The following MAP4K3 variants were observed in gnomAD, a reference collection of about 807,000 sequenced individuals.
MAP4K3 encodes mitogen-activated protein kinase kinase kinase kinase 3.
In MAP4K3, 94 loss-of-function variants were observed where a neutral mutation model predicts 143.5. The observed-to-expected ratio is 0.65, with a 90% CI of 0.55 to 0.78. The LOEUF (loss-of-function observed/expected upper bound fraction) is 0.78. Ranked by LOEUF, MAP4K3 falls within the 30% of genes least tolerant of loss-of-function variation. The pLI is 0.00. For synonymous variants in MAP4K3, 416 were observed against 347.2 expected, an observed-to-expected ratio of 1.20 and a Z score of -2.20; for missense variants, 1,077 against 1,068.1, an observed-to-expected ratio of 1.01 and a Z score of -0.12.
At chr2:39,308,445 C>T (rs1334015360) in intron 14 of MAP4K3, among the ~76,000 whole-genome samples, 6 of 152,098 alleles carry the variant, frequency 3.9e-5, no homozygotes, top group Admixed American at 3.3e-4. Context: ...AAGGTAAAGG[C>T]TAATGACACC....
chr2:39,294,069 C>T (rs1224899700), intron 16 of MAP4K3: 1 of 152,118 alleles, frequency 6.6e-6, no homozygotes, highest in Non-Finnish European at 1.5e-5. Flanking sequence ...CATAAAGACT[C>T]GATAGACTTC....
At chr2:39,286,080 A>G (rs1436398789) in intron 21 of MAP4K3, among the ~76,000 whole-genome samples, 4 of 152,196 alleles carry the variant, frequency 2.6e-5, no homozygotes, top group African/African-American at 9.7e-5. Flanking sequence ...TGGTTCCCCA[A>G]CCTTTTCGGC....
At chr2:39,264,895 C>T (rs1054789433) in intron 28 of MAP4K3, among the ~76,000 whole-genome samples, 8 of 152,172 alleles carry the variant, frequency 5.3e-5, no homozygotes, top group Non-Finnish European at 2.9e-5. Context: ...TGGAGGTCAA[C>T]CAGAGAGTGT....
chr2:39,341,984 G>C (rs889525589), intron 4 of MAP4K3, among the ~76,000 whole-genome samples: 40 of 151,762 alleles, frequency 2.6e-4, no homozygotes, highest in Non-Finnish European at 4.9e-4. Flanking sequence ...TCTTTCACCT[G>C]GTCTTCAAGG....
intron 32 of MAP4K3, among the ~76,000 whole-genome samples, chr2:39,253,816 T>C (rs192083753): frequency 1.2e-4 from 18 of 152,358 alleles, no homozygotes; most frequent in Admixed American, 7.2e-4. Flanking sequence ...AAGTGCCACA[T>C]CTTGTTCATG....
intron 1 of MAP4K3, among the ~76,000 whole-genome samples, chr2:39,384,224 T>C (rs1666428921): frequency 6.6e-6 from 1 of 152,132 alleles, no homozygotes; most frequent in Non-Finnish European, 1.5e-5. Context: ...TTGCTGATCC[T>C]TGCTTTAAAA....
At chr2:39,403,259 A>G (rs909458190) in intron 1 of MAP4K3, among the ~76,000 whole-genome samples, 1 of 152,184 alleles carries the variant, frequency 6.6e-6, no homozygotes, top group African/African-American at 2.4e-5. Flanking sequence ...CTACACACAA[A>G]AAAGCACCTT....
intron 15 of MAP4K3, among the ~76,000 whole-genome samples, chr2:39,305,853 T>C (rs1467353511): frequency 1.3e-5 from 2 of 151,692 alleles, no homozygotes; most frequent in African/African-American, 2.4e-5. Context: ...TTTTTAAAGA[T>C]GGAGTCTCGC....
intron 24 of MAP4K3, among the ~76,000 whole-genome samples, chr2:39,275,514 A>T (rs1227531416): frequency 6.6e-6 from 1 of 152,190 alleles, no homozygotes; most frequent in Non-Finnish European, 1.5e-5. Context: ...GAGTTCTTCA[A>T]ATTAGGTTGA....
chr2:39,397,509 TAGAG>T (rs957264976), intron 1 of MAP4K3, among the ~76,000 whole-genome samples: 17 of 152,178 alleles, frequency 1.1e-4, no homozygotes, highest in African/African-American at 4.1e-4. Context: ...ATCATATTCT[TAGAG>T]AGGCTAAACA....
intron 8 of MAP4K3, among the ~76,000 whole-genome samples, chr2:39,326,734 C>T (rs914896043): frequency 6.6e-6 from 1 of 152,088 alleles, no homozygotes; most frequent in Non-Finnish European, 1.5e-5. Context: ...GGAGGGGCCT[C>T]GTAGGAGGTG....
At chr2:39,251,047 C>T (rs1680138293) in intron 33 of MAP4K3, among the ~76,000 whole-genome samples, 1 of 152,150 alleles carries the variant, frequency 6.6e-6, no homozygotes, top group South Asian at 2.1e-4. Context: ...GGGTCTGACC[C>T]AGAGACCCAC....
chr2:39,343,740 C>T (rs953709160), intron 3 of MAP4K3, among the ~76,000 whole-genome samples: 2 of 152,088 alleles, frequency 1.3e-5, no homozygotes, highest in African/African-American at 4.8e-5. Context: ...AACTTCTCCT[C>T]CCCAAAAGTT....
chr2:39,268,939 GAAGA>G (rs1680895190), intron 26 of MAP4K3, among the ~76,000 whole-genome samples: 2 of 151,840 alleles, frequency 1.3e-5, no homozygotes, highest in Admixed American at 6.6e-5. Context: ...ATAATTTTTA[GAAGA>G]AAGAGACAGA....
intron 9 of MAP4K3, 62 bp downstream of exon 9, chr2:39,326,084 T>G (rs935286702): frequency 1.1e-5 from 18 of 1,574,888 alleles, no homozygotes; most frequent in Middle Eastern, 1.7e-4. Flanking sequence ...TACTTGTTCA[T>G]GACAGCATAC....
intron 24 of MAP4K3, among the ~76,000 whole-genome samples, 175 bp from the exon 25 acceptor site, chr2:39,272,717 T>C (rs1216650573): frequency 6.6e-6 from 1 of 152,192 alleles, no homozygotes; most frequent in Non-Finnish European, 1.5e-5. Flanking sequence ...TATACATACA[T>C]ATTTATGTGA....
Position 39,266,492 on chromosome 2 carries a change from A to G in MAP4K3, c.2032+697T>C, listed in dbSNP as rs944156000. Among the ~76,000 whole-genome samples, 10 of 152,082 alleles carry G rather than the reference A, an allele frequency of 6.6e-5. No individual in the cohort carries two copies. The South Asian group carries it at 1.5e-3, about 22-fold the overall frequency. ...AGTCAGCATTTATTATGTAACCTTTATGATTTTTTTTTTGCCTCCACATGT... is the reference window on the plus strand; with the variant it reads ...AGTCAGCATTTATTATGTAACCTTTGTGATTTTTTTTTTGCCTCCACATGT... On this transcript the variant is annotated intron_variant, in intron 27 of 33. Coordinates refer to ENST00000263881, the MANE Select transcript of MAP4K3 (RefSeq NM_003618.4).
intron 1 of MAP4K3, among the ~76,000 whole-genome samples, chr2:39,391,719 G>C (rs1572481747): frequency 6.6e-6 from 1 of 152,120 alleles, no homozygotes; most frequent in Non-Finnish European, 1.5e-5. Context: ...TAAAAAAACA[G>C]CTTGGGGGAA....
chr2:39,354,964 G>A (rs1321621593), intron 3 of MAP4K3, among the ~76,000 whole-genome samples: 1 of 152,012 alleles, frequency 6.6e-6, no homozygotes, highest in Non-Finnish European at 1.5e-5. Context: ...CATAGGGAAG[G>A]CCAGGCAGGA....
Sources: allele counts gnomAD v4.1 joint callset (sites outside exome capture counted in the v4.1 genomes callset), GRCh38; gene constraint gnomAD v4.1.1; transcripts MANE v1.5; gene names NCBI Gene and HGNC (gene_info 2026-07-23, HGNC 2026-07-21).